Variants in CIT observed in about 807,000 individuals in gnomAD.
The protein encoded by CIT is citron Rho-interacting kinase.
In CIT, 79 loss-of-function variants were observed where a neutral mutation model predicts 272.7. The observed-to-expected ratio is 0.29, with a 90% CI of 0.24 to 0.35. CIT has a LOEUF of 0.35. Ranked by LOEUF, CIT falls within the 10% of genes least tolerant of loss-of-function variation. CIT has a pLI of 1.00. For synonymous variants in CIT, 948 were observed against 995.6 expected (o/e 0.95, Z 0.90); for missense variants, 1,909 against 2,618.3 (o/e 0.73, Z 5.91).
intron 19 of CIT, among the ~76,000 whole-genome samples, chr12:119,761,965 C>T (rs2137508465): frequency 6.6e-6 from 1 of 152,248 alleles, no homozygotes; most frequent in South Asian, 2.1e-4. Flanking sequence ...AGCCTTTGAC[C>T]ACAACCCTAC....
intron 10 of CIT, 53 bp from the exon 11 acceptor site, chr12:119,785,118 T>C (rs73215386): frequency 6.4e-7 from 1 of 1,571,666 alleles, no homozygotes; most frequent in African/African-American, 1.4e-5. Flanking sequence ...CCTAAGAAGC[T>C]GCATTAGGAA....
rs3999547 is a variant in CIT at position 119,726,385 on chromosome 12, ATTT to A, written c.3591+2114_3591+2116del. Among the ~76,000 whole-genome samples the A allele has an allele frequency of 9.0e-3, 915 of 101,310 alleles. 6 individuals carry two copies. The highest frequency in any genetic ancestry group is 0.037 in the African/African-American group (881 of 23,750). 66.5% of individuals were successfully genotyped at this position (101,310 alleles called of 152,430 possible). A position where few individuals can be genotyped will look rare whatever the true frequency, so the allele number is the denominator to read the frequency against. On this transcript the variant is annotated intron_variant, in intron 28 of 47. Transcript: ENST00000392521. ...AACTGCACACCACCACACTTGGCTA[ATTT>A]TTTTTTTTTTTTTTTTTTTTTTTTG...
At chr12:119,827,439 T>C (rs966303338) in intron 7 of CIT, among the ~76,000 whole-genome samples, 3 of 94,138 alleles carry the variant, frequency 3.2e-5, no homozygotes, top group African/African-American at 1.5e-4. Flanking sequence ...CAATAACCAA[T>C]AGATTTTTTT....
Position 119,784,162 on chromosome 12 carries a change from C to A in CIT, c.1402-111G>T. ...GGTGGTCTGGGCTAAGGCTAATTCG[C>A]CAAAAGTTAAGTTGGGATGGAAATA... On this transcript the variant is annotated intron_variant, in intron 11 of 47. Coordinates refer to ENST00000392521, the MANE Select transcript of CIT (RefSeq NM_001206999.2). This position sits in a 1 kb window ranked among gnomAD's most constrained non-coding sequence, Gnocchi z 4.7. 6.2e-7 allele frequency: 1 copy of A among 1,610,958 alleles called. No homozygotes were observed. The highest frequency in any genetic ancestry group is 1.1e-5 in the South Asian group (1 of 90,312).
At chr12:119,853,438 G>GTTTTGTTTTGTTTTGTTTTGT (rs113188451) in intron 4 of CIT, among the ~76,000 whole-genome samples, 3 of 151,288 alleles carry the variant, frequency 2.0e-5, no homozygotes, top group Non-Finnish European at 4.4e-5. Context: ...TTGTTTGTTT[G>GTTTTGTTTTGTTTTGTTTTGT]TTTGTTTTGT....
intron 23 of CIT, 55 bp from the exon 24 acceptor site, chr12:119,742,519 A>G: frequency 7.6e-7 from 1 of 1,320,164 alleles, no homozygotes. Context: ...ACAATTCTAC[A>G]TGCTACGGGT....
intron 9 of CIT, among the ~76,000 whole-genome samples, chr12:119,817,635 C>A (rs968116012): frequency 6.6e-6 from 1 of 152,050 alleles, no homozygotes; most frequent in African/African-American, 2.4e-5. Context: ...AGCAAAAGAC[C>A]GGTTAGGCTC....
chr12:119,785,053 C>T lies in CIT; in HGVS notation c.1308G>A (p.Ser436=), dbSNP rs760946669. ...TAGTCTTGGCAGGGGAGTCCAGACCCGACACAACAGACCTAGGTAGAGAAA... is the reference window on the plus strand; with the variant it reads ...TAGTCTTGGCAGGGGAGTCCAGACCTGACACAACAGACCTAGGTAGAGAAA... ...GILGRSESVV[S]GLDSPAKTSS... is the part of the protein sequence containing the mutation. The change falls in exon 11 of 48, where the codon TCG becomes TCA. Residue 436 remains serine, a synonymous_variant. Coordinates refer to ENST00000392521, the MANE Select transcript of CIT (RefSeq NM_001206999.2). 3.7e-6 allele frequency: 6 copies of T among 1,614,114 alleles called. No homozygotes were observed. The highest frequency in any genetic ancestry group is 1.6e-4 in the Middle Eastern group (1 of 6,062).
intron 23 of CIT, among the ~76,000 whole-genome samples, chr12:119,750,035 G>A (rs1329188127): frequency 6.6e-6 from 1 of 152,186 alleles, no homozygotes; most frequent in African/African-American, 2.4e-5. Flanking sequence ...AGGAATTACA[G>A]ACCAATCCCC....
In CIT at chr12:119,713,618, G is replaced by T. The variant is rs761150239; in HGVS notation, c.4337C>A (p.Ser1446Tyr). The T allele has an allele frequency of 1.2e-6, 2 of 1,614,240 alleles. No homozygotes were observed. Among genetic ancestry groups the T allele is most frequent in the Non-Finnish European group, 1.7e-6 (2 of 1,180,038 alleles). ...GCCGCAGGTGGCTGGCAAGCACGTG[G>T]AGCACTTGGGGTGACACATCACCTG... is the stretch of plus-strand genomic sequence containing the variant. ...ECQVMCHPKC[S>Y]TCLPATCGLP... The change falls in exon 34 of 48, where the codon TCC (serine) becomes TAC (tyrosine). Residue 1446 changes from serine (S) to tyrosine (Y), a missense_variant. Around this residue, in one of 8 missense-constraint regions of CIT, gnomAD observed 780 missense variants for 1,067.2 expected, o/e 0.73. Transcript: ENST00000392521. This position sits in a 1 kb window ranked among gnomAD's most constrained non-coding sequence, Gnocchi z 5.2.
At chr12:119,758,555 G>A in intron 21 of CIT, 36 bp downstream of exon 21, 3 of 1,338,534 alleles carry the variant, frequency 2.2e-6, no homozygotes, top group Non-Finnish European at 3.2e-6. Context: ...AGACCAAAGT[G>A]TAATAATGTA....
intron 26 of CIT, among the ~76,000 whole-genome samples, chr12:119,732,284 G>A (rs1958500693): frequency 6.6e-6 from 1 of 152,230 alleles, no homozygotes; most frequent in Non-Finnish European, 1.5e-5. Context: ...AATGAAAGCA[G>A]ACTAATGCTA....
intron 10 of CIT, among the ~76,000 whole-genome samples, chr12:119,787,897 C>T (rs1964951438): frequency 6.6e-6 from 1 of 152,108 alleles, no homozygotes; most frequent in Admixed American, 6.5e-5. Context: ...TGAAATAATG[C>T]ATGTAATGCT....
intron 10 of CIT, among the ~76,000 whole-genome samples, chr12:119,788,781 G>A (rs985384240): frequency 1.3e-5 from 2 of 152,146 alleles, no homozygotes; most frequent in African/African-American, 2.4e-5. Flanking sequence ...CTCCTCACCC[G>A]AGGTCCAACC....
intron 13 of CIT, among the ~76,000 whole-genome samples, chr12:119,779,778 C>A (rs971155825): frequency 1.3e-5 from 2 of 152,210 alleles, no homozygotes; most frequent in Non-Finnish European, 2.9e-5. Flanking sequence ...TCTGTCAGCT[C>A]TCCAAGCTCT....
chr12:119,862,849 CAA>C (rs112181745), intron 3 of CIT, among the ~76,000 whole-genome samples: 1 of 64,948 alleles, frequency 1.5e-5, no homozygotes, highest in Non-Finnish European at 3.2e-5. Context: ...AAGAAAAAAC[CAA>C]AAAAAAAAAC....
chr12:119,717,838 C>CCT (rs1957598855), intron 32 of CIT, among the ~76,000 whole-genome samples: 1 of 81,332 alleles, frequency 1.2e-5, no homozygotes, highest in Non-Finnish European at 2.3e-5. Context: ...TGACTTCTTT[C>CCT]TTTTTTTTTT....
chr12:119,719,301 TA>T (rs1422749424), intron 30 of CIT, among the ~76,000 whole-genome samples: 1 of 151,278 alleles, frequency 6.6e-6, no homozygotes, highest in Non-Finnish European at 1.5e-5. Flanking sequence ...AGCAAAATTT[TA>T]AAAGGAATGC....
At chr12:119,714,609 A>T (rs1438469934) in intron 32 of CIT, among the ~76,000 whole-genome samples, 1 of 152,190 alleles carries the variant, frequency 6.6e-6, no homozygotes, top group Non-Finnish European at 1.5e-5. Flanking sequence ...CGTTAGAGAG[A>T]TGTGAATCAA....
Sources: gnomAD v4.1 joint callset for allele counts (sites outside exome capture counted in the v4.1 genomes callset) on GRCh38, gnomAD v4.1.1 for gene constraint, gnomAD v4.1.1 regional missense constraint, Gnocchi (gnomAD v3.1) non-coding constraint, MANE v1.5 for transcripts, NCBI Gene and HGNC (gene_info 2026-07-23, HGNC 2026-07-21) for gene names.